The following NMNAT3 variants were observed in gnomAD, a reference collection of about 807,000 sequenced individuals.
NMNAT3 encodes the protein nicotinamide/nicotinic acid mononucleotide adenylyltransferase 3.
Under a neutral mutation model 24.8 loss-of-function variants are expected in NMNAT3, and 21 were observed. The observed-to-expected ratio is 0.85, with a 90% CI of 0.60 to 1.22. The LOEUF is 1.22. NMNAT3 is among the 50% of genes most tolerant of loss of function. The pLI, the probability that NMNAT3 is intolerant of heterozygous loss-of-function variation, is 0.00. For missense variants in NMNAT3, 387 were observed against 436.6 expected (o/e 0.89, Z 1.01); for synonymous variants, 136 against 155.2 (o/e 0.88, Z 0.92).
At chr3:139,616,661 T>A (rs144379376) in intron 3 of NMNAT3, among the ~76,000 whole-genome samples, 1 of 152,168 alleles carries the variant, frequency 6.6e-6, no homozygotes, top group African/African-American at 2.4e-5. Flanking sequence ...AATTTTACCT[T>A]CTAATTATAC....
chr3:139,613,264 C>T (rs1231854535), intron 3 of NMNAT3, among the ~76,000 whole-genome samples: 3 of 152,178 alleles, frequency 2.0e-5, no homozygotes, highest in Admixed American at 6.5e-5. Flanking sequence ...CCGGAATCTA[C>T]AATGAACTCA....
chr3:139,662,671 T>C (rs1275285960), intron 1 of NMNAT3, among the ~76,000 whole-genome samples: 1 of 152,118 alleles, frequency 6.6e-6, no homozygotes, highest in Non-Finnish European at 1.5e-5. Flanking sequence ...GAGGAAGGCC[T>C]CGCTGACTCT....
chr3:139,644,998 T>G (rs987424764), intron 1 of NMNAT3, among the ~76,000 whole-genome samples: 1 of 152,138 alleles, frequency 6.6e-6, no homozygotes, highest in Admixed American at 6.5e-5. Flanking sequence ...GGTCAGGAGT[T>G]CGAGACTAGC....
Position 139,627,727 on chromosome 3 carries a change from T to G in NMNAT3, c.-3A>C. 1 of 1,582,896 alleles carries G rather than the reference T, an allele frequency of 6.3e-7. No homozygotes were observed. Among genetic ancestry groups the G allele is most frequent in the Non-Finnish European group, 8.5e-7 (1 of 1,170,858 alleles). On this transcript the variant is annotated 5_prime_UTR_variant, in exon 3 of 7. Coordinates refer to ENST00000643695, the MANE Select transcript of NMNAT3 (RefSeq NM_001320510.2). Reference sequence around the variant, plus strand: ...ACCACAGGTATTCGGCTCTTCATCTTGTCAGGCACATCCACACCTGTTGCA... The same window carrying G: ...ACCACAGGTATTCGGCTCTTCATCTGGTCAGGCACATCCACACCTGTTGCA...
At chr3:139,613,057 A>T (rs943970296) in intron 3 of NMNAT3, among the ~76,000 whole-genome samples, 1 of 152,146 alleles carries the variant, frequency 6.6e-6, no homozygotes, top group African/African-American at 2.4e-5. Flanking sequence ...GCAATACCAT[A>T]CAGGACATAG....
chr3:139,609,480 A>C (rs1469425938), intron 3 of NMNAT3, among the ~76,000 whole-genome samples: 1 of 152,082 alleles, frequency 6.6e-6, no homozygotes, highest in Non-Finnish European at 1.5e-5. Flanking sequence ...CATTTCCCTA[A>C]TTGTTAATGT....
At chr3:139,663,738 C>A (rs1371491051) in intron 1 of NMNAT3, among the ~76,000 whole-genome samples, 1 of 152,226 alleles carries the variant, frequency 6.6e-6, no homozygotes, top group Non-Finnish European at 1.5e-5. Context: ...GAAGTCAGGA[C>A]CTACTGAGCC....
intron 1 of NMNAT3, among the ~76,000 whole-genome samples, chr3:139,673,792 T>TAGAG (rs141706657): frequency 1.3e-5 from 2 of 150,322 alleles, no homozygotes; most frequent in Non-Finnish European, 3.0e-5. Flanking sequence ...GAGGAAGGAA[T>TAGAG]AGAGAGAGAG....
intron 1 of NMNAT3, among the ~76,000 whole-genome samples, chr3:139,675,135 T>TACACACACAC (rs148834873): frequency 0.19 from 28,633 of 148,120 alleles, 3,334 homozygotes; most frequent in East Asian, 0.37. Flanking sequence ...CTTTTAAACA[T>TACACACACAC]ACACACACAC....
intron 4 of NMNAT3, among the ~76,000 whole-genome samples, chr3:139,580,814 C>CT (rs35512516): frequency 0.25 from 36,830 of 149,176 alleles, 4,619 homozygotes; most frequent in Admixed American, 0.37. Context: ...TTGTGATATT[C>CT]TTTTTTTTTT....
intron 1 of NMNAT3, among the ~76,000 whole-genome samples, chr3:139,660,778 CGGCT>C (rs1559965917): frequency 6.6e-6 from 1 of 152,106 alleles, no homozygotes; most frequent in Non-Finnish European, 1.5e-5. Context: ...TCCTTTTCAC[CGGCT>C]GGCTATTTTG....
intron 1 of NMNAT3, among the ~76,000 whole-genome samples, chr3:139,668,927 A>G (rs1270220697): frequency 6.6e-6 from 1 of 152,240 alleles, no homozygotes; most frequent in Non-Finnish European, 1.5e-5. Context: ...CTAAAACACT[A>G]AGATCTTGAA....
At chr3:139,579,881 T>A (rs1265648889) in intron 4 of NMNAT3, among the ~76,000 whole-genome samples, 1 of 152,130 alleles carries the variant, frequency 6.6e-6, no homozygotes, top group East Asian at 1.9e-4. Flanking sequence ...GATTGTGTGA[T>A]TTTTTTTCTC....
intron 5 of NMNAT3, among the ~76,000 whole-genome samples, chr3:139,575,090 T>G (rs1382718288): frequency 6.6e-6 from 1 of 152,188 alleles, no homozygotes; most frequent in Non-Finnish European, 1.5e-5. Context: ...TTAGTCTATC[T>G]TCCCACCAGA....
intron 1 of NMNAT3, among the ~76,000 whole-genome samples, chr3:139,670,874 T>G (rs2057735157): frequency 6.6e-6 from 1 of 152,158 alleles, no homozygotes; most frequent in Non-Finnish European, 1.5e-5. Context: ...ATGGCCTTCT[T>G]TAACTTAAAA....
chr3:139,630,057 C>T (rs1258432459), intron 2 of NMNAT3, among the ~76,000 whole-genome samples: 1 of 152,140 alleles, frequency 6.6e-6, no homozygotes, highest in Non-Finnish European at 1.5e-5. Flanking sequence ...AAATCATGGG[C>T]TCAACAATGA....
intron 1 of NMNAT3, among the ~76,000 whole-genome samples, chr3:139,672,362 A>T (rs1286231193): frequency 6.6e-6 from 1 of 152,202 alleles, no homozygotes; most frequent in African/African-American, 2.4e-5. Flanking sequence ...GAGCTCTAAA[A>T]AGTTCCAGGT....
Position 139,561,216 on chromosome 3 carries a change from G to GCAT in NMNAT3, c.832_834dup (p.Met278dup). The GCAT allele has an allele frequency of 6.2e-7, 1 of 1,614,148 alleles. No individual in the cohort carries two copies. Among genetic ancestry groups the GCAT allele is most frequent in the Non-Finnish European group, 8.5e-7 (1 of 1,180,016 alleles). On this transcript the variant is annotated inframe_insertion, in exon 7 of 7. Coordinates refer to ENST00000643695, the MANE Select transcript of NMNAT3 (RefSeq NM_001320510.2). Reference sequence around the variant, plus strand: ...TTGGCCAGGTGAATGTTGTGCTGGTGCATCCGTAGGATGGGAGATTCTGCG... The same window carrying GCAT: ...TTGGCCAGGTGAATGTTGTGCTGGTGCATCATCCGTAGGATGGGAGATTCTGCG...
At chr3:139,595,715 A>T (rs536977181) in intron 3 of NMNAT3, among the ~76,000 whole-genome samples, 12,265 of 152,162 alleles carry the variant, frequency 0.081, 1,082 homozygotes, top group East Asian at 0.37. Context: ...TGGGGAAAGG[A>T]TTCCCTATTT....
Sources: gnomAD v4.1 joint callset for allele counts (sites outside exome capture counted in the v4.1 genomes callset) on GRCh38, gnomAD v4.1.1 for gene constraint, MANE v1.5 for transcripts, NCBI Gene and HGNC (gene_info 2026-07-23, HGNC 2026-07-21) for gene names.